VSTM2A: variants seen among roughly 807,000 people sequenced by gnomAD.
The protein encoded by VSTM2A is V-set and transmembrane domain containing 2A, also known as V-set and transmembrane domain-containing protein 2A.
In VSTM2A, 13 loss-of-function variants were observed where a neutral mutation model predicts 27.3. That is an observed-to-expected ratio of 0.48 (90% confidence interval 0.31 to 0.76). VSTM2A has a LOEUF of 0.76. VSTM2A is among the 30% of genes least tolerant of loss of function. The pLI, the probability that VSTM2A is intolerant of heterozygous loss-of-function variation, is 0.05. For missense variants in VSTM2A, 280 were observed against 310.0 expected (o/e 0.90, Z 0.73); for synonymous variants, 142 against 125.7 (o/e 1.13, Z -0.87).
At chr7:54,563,611 C>G (rs546578304) in intron 4 of VSTM2A, among the ~76,000 whole-genome samples, 3 of 152,228 alleles carry the variant, frequency 2.0e-5, no homozygotes, top group African/African-American at 7.2e-5. Flanking sequence ...GGGTTCTAAG[C>G]AACAAGAGAG....
intron 4 of VSTM2A, chr7:54,558,139 C>T (rs563953386): frequency 2.6e-5 from 4 of 152,142 alleles, no homozygotes; most frequent in African/African-American, 7.2e-5. Context: ...TATTCTAAAG[C>T]CATAATTATA....
At chr7:54,547,660 G>A (rs1788047299) in intron 3 of VSTM2A, among the ~76,000 whole-genome samples, 1 of 152,082 alleles carries the variant, frequency 6.6e-6, no homozygotes, top group Non-Finnish European at 1.5e-5. Context: ...GAGCCGCATA[G>A]CATCAGTTAA....
chr7:54,562,867 C>T (rs17172353), intron 4 of VSTM2A, among the ~76,000 whole-genome samples: 11,743 of 152,192 alleles, frequency 0.077, 1,261 homozygotes, highest in African/African-American at 0.24. Context: ...TTAAAACTAC[C>T]TATGCGTGAT....
chr7:54,557,492 C>A (rs1183935729), intron 4 of VSTM2A, among the ~76,000 whole-genome samples: 1 of 151,924 alleles, frequency 6.6e-6, no homozygotes, highest in African/African-American at 2.4e-5. Flanking sequence ...CACCACCACG[C>A]CCGGCTAATT....
chr7:54,542,913 A>G (rs1787832095), intron 1 of VSTM2A, 104 bp downstream of exon 1: 3 of 1,079,334 alleles, frequency 2.8e-6, no homozygotes, highest in Non-Finnish European at 4.2e-6. Flanking sequence ...CTAGCAAGTA[A>G]CAGTGGGCTT....
chr7:54,568,825 C>A (rs1381852445), intron 4 of VSTM2A, among the ~76,000 whole-genome samples: 2 of 152,174 alleles, frequency 1.3e-5, no homozygotes, highest in African/African-American at 4.8e-5. Context: ...ACAAACAACA[C>A]CAACTTCCTG....
intron 4 of VSTM2A, 52 bp downstream of exon 4, chr7:54,550,222 A>G (rs1788144569): frequency 6.4e-7 from 1 of 1,554,730 alleles, no homozygotes; most frequent in Non-Finnish European, 8.7e-7. Context: ...AACGCTCCAC[A>G]GAAAGGTCAG....
At chr7:54,546,736 T>G in intron 2 of VSTM2A, 1 of 527,390 alleles carries the variant, frequency 1.9e-6, no homozygotes, top group Non-Finnish European at 3.3e-6. Context: ...GGGGACGGCG[T>G]GGGGTATGCC....
At chr7:54,545,731 G>T (rs1335216286) in intron 2 of VSTM2A, among the ~76,000 whole-genome samples, 1 of 119,940 alleles carries the variant, frequency 8.3e-6, no homozygotes, top group African/African-American at 3.4e-5. Flanking sequence ...AGGGGAAAAA[G>T]GGAGAGAGGG....
chr7:54,562,725 C>G (rs1023839181), intron 4 of VSTM2A, among the ~76,000 whole-genome samples: 2 of 152,182 alleles, frequency 1.3e-5, no homozygotes, highest in South Asian at 2.1e-4. Flanking sequence ...CCATTTGTCT[C>G]CATTGCATTC....
In VSTM2A at chr7:54,569,312, C is replaced by G. The variant is rs1788821241; in HGVS notation, c.*93C>G. 1 of 1,515,574 alleles carries G rather than the reference C, an allele frequency of 6.6e-7. No homozygotes were observed. Among genetic ancestry groups the G allele is most frequent in the Admixed American group, 2.2e-5 (1 of 44,762 alleles). 93.9% of individuals were successfully genotyped at this position (1,515,574 alleles called of 1,614,324 possible). ...ATATTTTCTTTGGCAAAACACTGAT[C>G]TTTTATTTTAAGAGAATTAACGTGA... On this transcript the variant is annotated 3_prime_UTR_variant, in exon 5 of 5. Coordinates refer to ENST00000402613, the MANE Select transcript of VSTM2A (RefSeq NM_001301009.2).
intron 4 of VSTM2A, chr7:54,551,986 G>A (rs1427104597): frequency 6.6e-6 from 1 of 152,204 alleles, no homozygotes; most frequent in Non-Finnish European, 1.5e-5. Flanking sequence ...GTTTAATAAT[G>A]CAATCTCAAA....
At chr7:54,549,804 T>A in intron 3 of VSTM2A, 30 bp from the exon 4 acceptor site, 1 of 1,537,742 alleles carries the variant, frequency 6.5e-7, no homozygotes, top group Non-Finnish European at 8.8e-7. Flanking sequence ...ATGTAGCACT[T>A]TATTGTTTTT....
intron 4 of VSTM2A, among the ~76,000 whole-genome samples, chr7:54,557,532 C>T (rs1290675530): frequency 2.0e-5 from 3 of 151,996 alleles, no homozygotes; most frequent in African/African-American, 7.3e-5. Flanking sequence ...CAGGGTTTCA[C>T]CATGTTGGCC....
At position 54,544,851 on chromosome 7, in the gene VSTM2A, C is replaced by A. The variant is rs1049231234; in HGVS notation, c.246+63C>A. 2.0e-6 allele frequency: 3 copies of A among 1,500,498 alleles called. No individual in the cohort carries two copies. The South Asian group carries it at 3.9e-5, about 20-fold the overall frequency. The allele number at this position is 1,500,498 out of a possible 1,614,324, so 92.9% of individuals were successfully genotyped here. A position where few individuals can be genotyped will look rare whatever the true frequency, so the allele number is the denominator to read the frequency against. On this transcript the variant is annotated intron_variant, in intron 2 of 4. Transcript: ENST00000402613. ...CGCCCGGTCCTCAGGGTGTCCGGCC[C>A]GGGGCTGGGGGCCGAGGTGCTGCCT... is the stretch of plus-strand genomic sequence containing the variant.
chr7:54,561,925 TTG>T (rs912237238), intron 4 of VSTM2A, among the ~76,000 whole-genome samples: 6 of 143,396 alleles, frequency 4.2e-5, no homozygotes, highest in African/African-American at 1.7e-4. Context: ...AGTTTTTTGT[TTG>T]TTTTTTTTTG....
rs1788281151 is a variant in VSTM2A, at chr7:54,554,211, A to T, written c.634+4041A>T. The T allele has an allele frequency of 3.6e-6, 5 of 1,381,686 alleles. No homozygotes were observed. In the South Asian group the frequency reaches 7.2e-5, roughly 20 times the overall value. 85.6% of individuals were successfully genotyped at this position (1,381,686 alleles called of 1,614,324 possible). ...TTTCTCCCTCGATCACTCCTTCCTG[A>T]CACTCTTACCTCTCTTCTCTTTGCA... On this transcript the variant is annotated intron_variant, in intron 4 of 4. Coordinates refer to ENST00000402613, the MANE Select transcript of VSTM2A (RefSeq NM_001301009.2).
In VSTM2A at chr7:54,544,794, G is replaced by C. The variant is rs1190100709; in HGVS notation, c.246+6G>C. 6 of 1,592,608 alleles carry C rather than the reference G, an allele frequency of 3.8e-6. No homozygotes were observed. The highest frequency in any genetic ancestry group is 5.1e-6 in the Non-Finnish European group (6 of 1,170,020). On this transcript the variant is annotated splice_donor_region_variant and intron_variant, in intron 2 of 4. Coordinates refer to ENST00000402613, the MANE Select transcript of VSTM2A (RefSeq NM_001301009.2). ...CCGAGGGGGCCGGCGCGCAGGTAGC[G>C]GAGCCCGCCGACCCCGCGTCTCCCC...
At chr7:54,554,043 G>A (rs1788274851) in intron 4 of VSTM2A, 2 of 1,552,692 alleles carry the variant, frequency 1.3e-6, no homozygotes, top group Non-Finnish European at 1.7e-6. Flanking sequence ...ATCAACCCCT[G>A]GTGTGCAGAG....
Sources: allele counts gnomAD v4.1 joint callset (sites outside exome capture counted in the v4.1 genomes callset), GRCh38; gene constraint gnomAD v4.1.1; transcripts MANE v1.5; gene names NCBI Gene and HGNC (gene_info 2026-07-23, HGNC 2026-07-21).